TMEM176B: variants seen among roughly 807,000 people sequenced by gnomAD.
The protein encoded by TMEM176B is transmembrane protein 176B.
A neutral mutation model predicts 30.3 loss-of-function variants in TMEM176B; 28 were observed. That is an observed-to-expected ratio of 0.92 (90% CI 0.68 to 1.27). The LOEUF is 1.27. TMEM176B is among the 50% of genes most tolerant of loss of function. TMEM176B has a pLI of 0.00. For synonymous variants in TMEM176B, 123 were observed against 130.3 expected (o/e 0.94, Z 0.38); for missense variants, 349 against 327.4 (o/e 1.07, Z -0.51).
rs1798342592 is a variant in TMEM176B, at chr7:150,792,205, A to G, written c.601-30T>C. ...AGATAAGGGAAGAACAAAGATAGTC[A>G]GGTGTCAGCTACTCCAATGCTGCCC... is the stretch of plus-strand genomic sequence containing the variant. On this transcript the variant is annotated intron_variant, in intron 5 of 6. Coordinates refer to ENST00000326442, the MANE Select transcript of TMEM176B (RefSeq NM_001101312.2). 3 of 1,609,960 alleles carry G rather than the reference A, an allele frequency of 1.9e-6. No homozygotes were observed. In the Admixed American group the frequency reaches 5.0e-5, roughly 27 times the overall value.
chr7:150,801,068 C>A, upstream of TMEM176B: 3 of 894,444 alleles, frequency 3.4e-6, no homozygotes, highest in Non-Finnish European at 4.0e-6. Context: ...GTCGGTGGAG[C>A]GGGAGGTCGG....
At position 150,800,309 on chromosome 7, in the gene TMEM176B, C is replaced by G. The variant is rs1442790132; in HGVS notation, c.-17G>C. On this transcript the variant is annotated 5_prime_UTR_variant, in exon 1 of 7. Transcript: ENST00000326442. ...AGGCCCTGCCTCACCTGCAGTCCTCCGGGAGCCCGCGGCCGAGCAGAGCGG... is the reference window on the plus strand; with the variant it reads ...AGGCCCTGCCTCACCTGCAGTCCTCGGGGAGCCCGCGGCCGAGCAGAGCGG... The G allele has an allele frequency of 2.0e-5, 3 of 152,316 alleles. No homozygotes were observed. Among genetic ancestry groups the G allele is most frequent in the Non-Finnish European group, 4.4e-5 (3 of 68,140 alleles). The allele number at this position is 152,316 out of a possible 1,614,324, so 9.4% of individuals were successfully genotyped here.
At position 150,793,087 on chromosome 7, in the gene TMEM176B, C is replaced by T. The variant is rs112678105; in HGVS notation, c.600+1G>A. ...CCGAAGACTGGACTCTTCCTGCTCA[C>T]CCTCAGCATCTGCATGTAAGCTCTA... On this transcript the variant is annotated splice_donor_variant, in intron 5 of 6. Coordinates refer to ENST00000326442, the MANE Select transcript of TMEM176B (RefSeq NM_001101312.2). LOFTEE classifies it high-confidence loss of function. The T allele has an allele frequency of 2.5e-6, 4 of 1,613,780 alleles. No homozygotes were observed. In the African/African-American group the frequency reaches 4.0e-5, roughly 16 times the overall value.
intron 6 of TMEM176B, 70 bp from the exon 7 acceptor site, chr7:150,791,693 G>T: frequency 7.3e-7 from 1 of 1,368,938 alleles, no homozygotes. Flanking sequence ...ATAGAACTCA[G>T]AAAGCAGAAA....
At chr7:150,799,328 C>A (rs6464106) in intron 1 of TMEM176B, among the ~76,000 whole-genome samples, 5,365 of 152,328 alleles carry the variant, frequency 0.035, 305 homozygotes, top group African/African-American at 0.12. Flanking sequence ...GGCTAGGCAT[C>A]ATTACCACAA....
intron 5 of TMEM176B, 73 bp from the exon 6 acceptor site, chr7:150,792,248 A>G: frequency 6.3e-7 from 1 of 1,577,604 alleles, no homozygotes; most frequent in East Asian, 2.3e-5. Context: ...CACCCTCTCC[A>G]CCCACCCAGG....
intron 3 of TMEM176B, 46 bp downstream of exon 3, chr7:150,793,915 A>C: frequency 2.7e-6 from 4 of 1,492,596 alleles, no homozygotes; most frequent in South Asian, 1.3e-5. Flanking sequence ...CTTCTTGCCC[A>C]TCACCACTTG....
At chr7:150,798,639 T>C (rs760317348) in intron 1 of TMEM176B, among the ~76,000 whole-genome samples, 7 of 152,116 alleles carry the variant, frequency 4.6e-5, no homozygotes, top group Non-Finnish European at 1.0e-4. Flanking sequence ...CTCAAACTCC[T>C]GGACTCAAGC....
Position 150,794,016 on chromosome 7 carries a change from A to C in TMEM176B, c.260T>G (p.Leu87Trp). Residue 87 changes from leucine to tryptophan, a missense_variant, in exon 3 of 7, where the codon TTG becomes TGG. By Grantham distance (61) the Leu-to-Trp change is moderately conservative. Transcript: ENST00000326442. ...VSCVLGVCLS[L>W]GPWTVLSASG... ...GGCACTCAGCACAGTCCAGGGCCCC[A>C]AGCTGAGACACACTCCAAGAACACA... The C allele has an allele frequency of 6.2e-7, 1 of 1,613,968 alleles. No individual in the cohort carries two copies. The highest frequency in any genetic ancestry group is 8.5e-7 in the Non-Finnish European group (1 of 1,179,920).
intron 5 of TMEM176B, among the ~76,000 whole-genome samples, 199 bp from the exon 6 acceptor site, chr7:150,792,374 G>A (rs899641322): frequency 2.6e-5 from 4 of 152,320 alleles, no homozygotes; most frequent in South Asian, 2.1e-4. Context: ...AAGAAGTGGA[G>A]ACTATTCCTT....
chr7:150,798,317 C>T (rs916930978), intron 1 of TMEM176B, among the ~76,000 whole-genome samples: 5 of 152,132 alleles, frequency 3.3e-5, no homozygotes, highest in South Asian at 4.1e-4. Context: ...GATGGAGTCT[C>T]GCTCTGTCGC....
chr7:150,796,120 A>G (rs1423043984), intron 2 of TMEM176B, among the ~76,000 whole-genome samples: 1 of 152,188 alleles, frequency 6.6e-6, no homozygotes, highest in East Asian at 1.9e-4. Flanking sequence ...ATCAGAGCTC[A>G]CCAGCTCCCC....
At chr7:150,793,867 G>T in intron 3 of TMEM176B, 94 bp downstream of exon 3, 1 of 1,188,260 alleles carries the variant, frequency 8.4e-7, no homozygotes, top group Middle Eastern at 2.1e-4. Flanking sequence ...AGAGACTTTG[G>T]TCGCTTCCCC....
At chr7:150,791,695 A>G (rs1798315210) in intron 6 of TMEM176B, 72 bp from the exon 7 acceptor site, 5 of 1,366,670 alleles carry the variant, frequency 3.7e-6, no homozygotes, top group South Asian at 2.6e-5. Flanking sequence ...AGAACTCAGA[A>G]AGCAGAAAGA....
rs142265330 is a variant in TMEM176B, at chr7:150,793,130, T to C, written c.558A>G (p.Gln186=). Residue 186 remains glutamine (Q), a synonymous_variant, in exon 5 of 7, where the codon CAA becomes CAG. Coordinates refer to ENST00000326442, the MANE Select transcript of TMEM176B (RefSeq NM_001101312.2). ...YRWMRRSQEN[Q]WQKEECRAYM... ...AAGCTCTACACTCCTCCTTCTGCCA[T>C]TGGTTCTCTTGACTTCGCCGCATCC... 3.7e-6 allele frequency: 6 copies of C among 1,614,048 alleles called. No homozygotes were observed. Among genetic ancestry groups the C allele is most frequent in the African/African-American group, 2.7e-5 (2 of 74,914 alleles).
chr7:150,800,210 A>G (rs1363110801), intron 1 of TMEM176B, 88 bp downstream of exon 1: 2 of 152,404 alleles, frequency 1.3e-5, no homozygotes, highest in East Asian at 1.9e-4. Flanking sequence ...TGTGGACAGG[A>G]CGGGGTGGGG....
At position 150,793,978 on chromosome 7, in the gene TMEM176B, A is replaced by C; in HGVS notation, c.298T>G (p.Phe100Val). Residue 100 changes from phenylalanine to valine, a missense_variant, in exon 3 of 7, where the codon TTC becomes GTC. Transcript: ENST00000326442. ...TTACTCACCACAGACCCCGCCCAGA[A>C]GGCACAGCCTGAGGCACTCAGCACA... The part of the protein sequence containing the change: ...WTVLSASGCA[F>V]WAGSVVIAAG... 1 of 1,610,480 alleles carries C rather than the reference A, an allele frequency of 6.2e-7. No homozygotes were observed. Among genetic ancestry groups the C allele is most frequent in the Non-Finnish European group, 8.5e-7 (1 of 1,178,564 alleles).
At chr7:150,794,126 T>C (rs1012020764) in intron 2 of TMEM176B, 55 bp from the exon 3 acceptor site, 14 of 1,457,346 alleles carry the variant, frequency 9.6e-6, no homozygotes, top group Non-Finnish European at 1.3e-5. Context: ...ATGCCCCGGC[T>C]GCCCTGGGAC....
intron 5 of TMEM176B, 74 bp from the exon 6 acceptor site, chr7:150,792,249 C>T (rs908867030): frequency 5.1e-6 from 8 of 1,576,444 alleles, no homozygotes; most frequent in African/African-American, 4.0e-5. Context: ...ACCCTCTCCA[C>T]CCACCCAGGC....
Sources: gnomAD v4.1 joint callset for allele counts (sites outside exome capture counted in the v4.1 genomes callset) on GRCh38, gnomAD v4.1.1 for gene constraint, MANE v1.5 for transcripts, NCBI Gene and HGNC (gene_info 2026-07-23, HGNC 2026-07-21) for gene names.